Variants in KCNAB1 observed in about 807,000 individuals in gnomAD.
KCNAB1 encodes potassium voltage-gated channel subfamily A regulatory beta subunit 1, also known as voltage-gated potassium channel subunit beta-1.
A neutral mutation model predicts 64.6 loss-of-function variants in KCNAB1; 35 were observed. The ratio of observed to expected loss-of-function variants is 0.54; its 90% CI spans 0.41 to 0.72. The LOEUF is 0.72. Ranked by LOEUF, KCNAB1 falls within the 30% of genes least tolerant of loss-of-function variation. KCNAB1 has a pLI of 0.00. For missense variants in KCNAB1, 401 were observed against 512.9 expected (o/e 0.78, Z 2.11); for synonymous variants, 177 against 183.8 (o/e 0.96, Z 0.30).
At chr3:156,265,810 T>C in intron 1 of KCNAB1, among the ~76,000 whole-genome samples, 1 of 152,024 alleles carries the variant, frequency 6.6e-6, no homozygotes, top group East Asian at 1.9e-4. Flanking sequence ...CTGGCCAACA[T>C]GGTGAAACCC....
chr3:156,344,037 T>C (rs1430286305), intron 1 of KCNAB1, among the ~76,000 whole-genome samples: 1 of 152,186 alleles, frequency 6.6e-6, no homozygotes, highest in Non-Finnish European at 1.5e-5. Flanking sequence ...CCAGTCAGCC[T>C]CCTATCTGAT....
intron 8 of KCNAB1, among the ~76,000 whole-genome samples, chr3:156,495,549 T>C (rs1715955157): frequency 6.6e-6 from 1 of 152,182 alleles, no homozygotes; most frequent in African/African-American, 2.4e-5. Flanking sequence ...CTAAGTTTGC[T>C]GATTTCTAAC....
chr3:156,197,866 T>G (rs1323262757), intron 1 of KCNAB1, among the ~76,000 whole-genome samples: 1 of 152,216 alleles, frequency 6.6e-6, no homozygotes, highest in Non-Finnish European at 1.5e-5. Context: ...TTCTAGTTCT[T>G]TTAATTGCGA....
intron 1 of KCNAB1, among the ~76,000 whole-genome samples, chr3:156,177,857 C>T (rs1323908863): frequency 6.6e-6 from 1 of 151,734 alleles, no homozygotes; most frequent in Non-Finnish European, 1.5e-5. Flanking sequence ...TCTCCTTCAG[C>T]CTCCCGAGTA....
chr3:156,226,419 G>T (rs1002081335), intron 1 of KCNAB1, among the ~76,000 whole-genome samples: 2 of 152,090 alleles, frequency 1.3e-5, no homozygotes, highest in African/African-American at 4.8e-5. Context: ...ACTCAAGATG[G>T]ATCAAAGACT....
At chr3:156,272,014 A>C (rs1394002377) in intron 1 of KCNAB1, among the ~76,000 whole-genome samples, 1 of 152,232 alleles carries the variant, frequency 6.6e-6, no homozygotes, top group Non-Finnish European at 1.5e-5. Flanking sequence ...CTGAATTAGC[A>C]GGCAGATACT....
In KCNAB1 at chr3:156,319,741, C is replaced by A. The variant is rs115493775; in HGVS notation, c.276-101875C>A. 2.5e-3 allele frequency among the ~76,000 whole-genome samples: 374 copies of A among 152,270 alleles called. 1 individual carries two copies. Among genetic ancestry groups the A allele is most frequent in the African/African-American group, 8.7e-3 (361 of 41,562 alleles). On this transcript the variant is annotated intron_variant, in intron 1 of 13. Coordinates refer to ENST00000490337, the MANE Select transcript of KCNAB1 (RefSeq NM_172160.3). ...TTCCCTAAGACTAGTGAAAGGAAAA[C>A]CAAATGTTCTGCTTATCCACATCTC... is the stretch of plus-strand genomic sequence containing the variant.
At chr3:156,490,682 A>T (rs912139550) in intron 8 of KCNAB1, among the ~76,000 whole-genome samples, 2 of 152,132 alleles carry the variant, frequency 1.3e-5, no homozygotes, top group Admixed American at 1.3e-4. Flanking sequence ...ACAATAGGAG[A>T]GAAAAGATAA....
intron 1 of KCNAB1, among the ~76,000 whole-genome samples, chr3:156,123,382 A>G (rs1713463593): frequency 6.6e-6 from 1 of 152,214 alleles, no homozygotes; most frequent in South Asian, 2.1e-4. Context: ...ACATCAGGTT[A>G]ATTCTAGTTC....
At chr3:156,275,736 A>G (rs1384219476) in intron 1 of KCNAB1, among the ~76,000 whole-genome samples, 1 of 152,200 alleles carries the variant, frequency 6.6e-6, no homozygotes, top group East Asian at 1.9e-4. Flanking sequence ...TTCATGTCTG[A>G]CCATGAGTTG....
chr3:156,523,987 C>A, intron 12 of KCNAB1, 40 bp downstream of exon 12: 1 of 1,586,836 alleles, frequency 6.3e-7, no homozygotes, highest in South Asian at 1.1e-5. Context: ...AGAGGGACTT[C>A]TGCTGAGATC....
chr3:156,538,668 T>C (rs1719243732), downstream of KCNAB1: 1 of 152,242 alleles, frequency 6.6e-6, no homozygotes, highest in African/African-American at 2.4e-5. Flanking sequence ...ATGTAAAACA[T>C]ACACATGTAA....
chr3:156,498,279 T>C (rs1716139697), intron 8 of KCNAB1, among the ~76,000 whole-genome samples: 1 of 152,192 alleles, frequency 6.6e-6, no homozygotes, highest in Admixed American at 6.5e-5. Flanking sequence ...AAAATTCATC[T>C]TGCTTATGCC....
At chr3:156,359,175 T>G (rs148722295) in intron 1 of KCNAB1, among the ~76,000 whole-genome samples, 118 of 152,332 alleles carry the variant, frequency 7.7e-4, no homozygotes, top group African/African-American at 2.6e-3. Flanking sequence ...TGGTACTTAT[T>G]AAAAATTAAT....
intron 1 of KCNAB1, among the ~76,000 whole-genome samples, chr3:156,415,803 G>C (rs1715021266): frequency 6.6e-6 from 1 of 152,078 alleles, no homozygotes; most frequent in Non-Finnish European, 1.5e-5. Flanking sequence ...CTCAGCCGCT[G>C]ACCCAGCCCA....
intron 1 of KCNAB1, among the ~76,000 whole-genome samples, chr3:156,131,070 GCT>G (rs1713968065): frequency 6.6e-6 from 1 of 152,196 alleles, no homozygotes. Context: ...TCTCATCCTA[GCT>G]CTGAGAGCTA....
chr3:156,129,374 A>G (rs73876106), intron 1 of KCNAB1, among the ~76,000 whole-genome samples: 2 of 152,328 alleles, frequency 1.3e-5, no homozygotes, highest in African/African-American at 4.8e-5. Flanking sequence ...AGCCTTAGCT[A>G]TACAGCTTAG....
intron 8 of KCNAB1, among the ~76,000 whole-genome samples, chr3:156,500,432 GA>G (rs546316370): frequency 2.6e-5 from 4 of 151,398 alleles, no homozygotes; most frequent in East Asian, 3.9e-4. Context: ...CATTTAAAAA[GA>G]AAAAAAACCT....
chr3:156,398,452 C>T (rs918579042), intron 1 of KCNAB1, among the ~76,000 whole-genome samples: 2 of 151,896 alleles, frequency 1.3e-5, no homozygotes, highest in East Asian at 1.9e-4. Flanking sequence ...ATTAGCCGGG[C>T]GAGGTGGCGG....
Sources: gnomAD v4.1 joint callset for allele counts (sites outside exome capture counted in the v4.1 genomes callset) on GRCh38, gnomAD v4.1.1 for gene constraint, MANE v1.5 for transcripts, NCBI Gene and HGNC (gene_info 2026-07-23, HGNC 2026-07-21) for gene names.